The following COL6A6 variants were observed in gnomAD, a reference collection of about 807,000 sequenced individuals.
The protein encoded by COL6A6 is collagen alpha-6(VI) chain.
In COL6A6, 183 loss-of-function variants were observed where a neutral mutation model predicts 208.6. The observed-to-expected ratio is 0.88, with a 90% CI of 0.78 to 0.99. The LOEUF (loss-of-function observed/expected upper bound fraction) is 0.99. COL6A6 is among the 50% of genes least tolerant of loss of function. COL6A6 has a pLI of 0.00. For synonymous variants in COL6A6, 973 were observed against 1,011.8 expected, an observed-to-expected ratio of 0.96 and a Z score of 0.73; for missense variants, 2,816 against 2,815.2, an observed-to-expected ratio of 1.00 and a Z score of -0.01.
chr3:130,522,920 A>G (rs893256779), intron 1 of COL6A6, among the ~76,000 whole-genome samples: 5 of 151,228 alleles, frequency 3.3e-5, no homozygotes, highest in African/African-American at 1.2e-4. Context: ...CCCTCCCTGT[A>G]TCTAGTCATG....
At chr3:130,521,108 A>G (rs185348515) in intron 1 of COL6A6, among the ~76,000 whole-genome samples, 8 of 152,330 alleles carry the variant, frequency 5.3e-5, no homozygotes, top group Non-Finnish European at 1.2e-4. Flanking sequence ...TAAGGATGTG[A>G]ACATTGATTT....
chr3:130,660,930 A>AT (rs1277618950), intron 34 of COL6A6, among the ~76,000 whole-genome samples: 1 of 152,106 alleles, frequency 6.6e-6, no homozygotes, highest in African/African-American at 2.4e-5. Context: ...TTCCATTTCC[A>AT]TTTTTTTATT....
chr3:130,645,265 A>T (rs1381882752), intron 32 of COL6A6, among the ~76,000 whole-genome samples: 1 of 152,284 alleles, frequency 6.6e-6, no homozygotes, highest in East Asian at 1.9e-4. Context: ...AATGACTAAC[A>T]TCACCATTCA....
At chr3:130,645,262 A>G (rs944242992) in intron 32 of COL6A6, among the ~76,000 whole-genome samples, 2 of 152,140 alleles carry the variant, frequency 1.3e-5, no homozygotes, top group Admixed American at 1.3e-4. Flanking sequence ...CTTAATGACT[A>G]ACATCACCAT....
chr3:130,662,357 A>C, intron 35 of COL6A6, 49 bp downstream of exon 35: 1 of 1,534,568 alleles, frequency 6.5e-7, no homozygotes, highest in Non-Finnish European at 8.8e-7. Context: ...TATACTTGGT[A>C]TTACTAAAAA....
At chr3:130,627,136 C>T (rs2064913723) in intron 25 of COL6A6, among the ~76,000 whole-genome samples, 183 bp from the exon 26 acceptor site, 1 of 152,182 alleles carries the variant, frequency 6.6e-6, no homozygotes, top group African/African-American at 2.4e-5. Flanking sequence ...TTGTCTGTAT[C>T]TGTTACTAAC....
At chr3:130,649,016 CTTTT>C in intron 32 of COL6A6, 49 bp from the exon 33 acceptor site, 1 of 1,126,454 alleles carries the variant, frequency 8.9e-7, no homozygotes, top group Non-Finnish European at 1.2e-6. Flanking sequence ...TTCTATGTAT[CTTTT>C]TTTTTTTTTA....
chr3:130,593,719 AC>A (rs2063778923), intron 17 of COL6A6, among the ~76,000 whole-genome samples: 1 of 152,232 alleles, frequency 6.6e-6, no homozygotes, highest in Non-Finnish European at 1.5e-5. Flanking sequence ...TTGTAGAGTT[AC>A]ATGGCAAAGG....
At chr3:130,628,314 C>G (rs887728919) in intron 26 of COL6A6, among the ~76,000 whole-genome samples, 2 of 152,094 alleles carry the variant, frequency 1.3e-5, no homozygotes, top group Non-Finnish European at 2.9e-5. Flanking sequence ...ATTAGCCACC[C>G]TATAAAATGA....
At chr3:130,571,913 A>C (rs2063176901) in intron 7 of COL6A6, among the ~76,000 whole-genome samples, 1 of 137,892 alleles carries the variant, frequency 7.3e-6, no homozygotes, top group Non-Finnish European at 1.5e-5. Context: ...AAACTCCTGG[A>C]TTCAAGCCAT....
chr3:130,644,887 C>G, intron 31 of COL6A6, 104 bp from the exon 32 acceptor site: 1 of 1,013,794 alleles, frequency 9.9e-7, no homozygotes, highest in Non-Finnish European at 1.6e-6. Flanking sequence ...ATTTTTGAGT[C>G]ATCTACAAAA....
Position 130,565,587 on chromosome 3 carries a change from T to A in COL6A6, c.1255T>A (p.Ser419Thr). Residue 419 changes from serine to threonine, a missense_variant, in exon 4 of 37, where the codon TCA (serine) becomes ACA (threonine). Physicochemically the swap from Ser to Thr is moderately conservative, Grantham distance 58. Coordinates refer to ENST00000358511, the MANE Select transcript of COL6A6 (RefSeq NM_001102608.3). The part of the protein sequence containing the change: ...NQITHTVSVF[S>T]ERTETLKSGC... Reference sequence around the variant, plus strand: ...AATAACACACACAGTCTCTGTCTTTTCAGAGAGGACTGAAACGCTCAAATC... The same window carrying A: ...AATAACACACACAGTCTCTGTCTTTACAGAGAGGACTGAAACGCTCAAATC... The A allele has an allele frequency of 6.2e-7, 1 of 1,613,366 alleles. No individual in the cohort carries two copies. The highest frequency in any genetic ancestry group is 8.5e-7 in the Non-Finnish European group (1 of 1,179,574).
intron 29 of COL6A6, 129 bp from the exon 30 acceptor site, chr3:130,642,703 T>C: frequency 1.4e-6 from 1 of 737,440 alleles, no homozygotes; most frequent in South Asian, 1.9e-5. Context: ...GCATTCTTTT[T>C]TGCCTCTTAC....
chr3:130,599,885 G>C, intron 20 of COL6A6, 75 bp downstream of exon 20: 2 of 1,378,516 alleles, frequency 1.5e-6, no homozygotes, highest in Non-Finnish European at 2.1e-6. Flanking sequence ...GACTTTGGGG[G>C]AGTGGGTGGG....
chr3:130,590,454 C>T (rs1283160128), intron 12 of COL6A6, among the ~76,000 whole-genome samples: 1 of 131,968 alleles, frequency 7.6e-6, no homozygotes. Flanking sequence ...AATGCTATCC[C>T]TCTCCCTCCC....
At chr3:130,607,372 C>A (rs1397304381) in intron 21 of COL6A6, among the ~76,000 whole-genome samples, 1 of 152,042 alleles carries the variant, frequency 6.6e-6, no homozygotes, top group East Asian at 1.9e-4. Context: ...GTATTTTGTT[C>A]AAAAAGTTGG....
At chr3:130,520,229 T>C (rs13089151) in intron 1 of COL6A6, among the ~76,000 whole-genome samples, 16,189 of 152,246 alleles carry the variant, frequency 0.11, 1,198 homozygotes, top group East Asian at 0.36. Flanking sequence ...GTCTTTCTAC[T>C]TTCAGCAGAA....
intron 1 of COL6A6, among the ~76,000 whole-genome samples, chr3:130,522,957 C>T (rs1045913478): frequency 1.3e-5 from 2 of 151,594 alleles, no homozygotes; most frequent in Admixed American, 1.3e-4. Context: ...CTCCACACTT[C>T]AGCCTGAAAA....
chr3:130,659,186 A>G (rs2065877953), intron 34 of COL6A6, among the ~76,000 whole-genome samples: 1 of 152,232 alleles, frequency 6.6e-6, no homozygotes, highest in Non-Finnish European at 1.5e-5. Context: ...TTTTTAGTAC[A>G]GTCAAAGTGG....
Sources: gnomAD v4.1 joint callset for allele counts (sites outside exome capture counted in the v4.1 genomes callset) on GRCh38, gnomAD v4.1.1 for gene constraint, MANE v1.5 for transcripts, NCBI Gene and HGNC (gene_info 2026-07-23, HGNC 2026-07-21) for gene names.